SFPQ: variants seen among roughly 807,000 people sequenced by gnomAD.
SFPQ encodes the protein splicing factor proline and glutamine rich, also known as splicing factor, proline- and glutamine-rich.
SFPQ carries 11 observed loss-of-function variants against 72.9 expected under a neutral mutation model. The observed-to-expected ratio is 0.15, with a 90% confidence interval of 0.09 to 0.25. SFPQ has a LOEUF of 0.25. Ranked by LOEUF, SFPQ falls within the 10% of genes least tolerant of loss-of-function variation. SFPQ has a pLI of 1.00. For missense variants in SFPQ, 847 were observed against 993.3 expected (o/e 0.85, Z 1.98); for synonymous variants, 506 against 367.3 (o/e 1.38, Z -4.32).
chr1:35,192,235 ATCT>A lies in SFPQ; in HGVS notation c.812_814del (p.Lys271del), dbSNP rs1266283483. 3.4e-6 allele frequency: 5 copies of A among 1,460,532 alleles called. No homozygotes were observed. Among genetic ancestry groups the A allele is most frequent in the Non-Finnish European group, 3.6e-6 (4 of 1,113,688 alleles). 90.5% of individuals were successfully genotyped at this position (1,460,532 alleles called of 1,614,324 possible). On this transcript the variant is annotated inframe_deletion, in exon 1 of 10. Coordinates refer to ENST00000357214, the MANE Select transcript of SFPQ (RefSeq NM_005066.3). ...ATAGACACTCACCTCCGAGTCCGAG[ATCT>A]TCTCCTCGCTGCGGCCGCCGGGCCC...
chr1:35,187,281 C>A, intron 7 of SFPQ, 30 bp from the exon 8 acceptor site: 1 of 1,600,284 alleles, frequency 6.2e-7, no homozygotes, highest in Non-Finnish European at 8.6e-7. Flanking sequence ...TTCAATATAC[C>A]TGCACTATAC....
In SFPQ at chr1:35,192,472, C is replaced by T; in HGVS notation, c.578G>A (p.Gly193Asp). 7.5e-7 allele frequency: 1 copy of T among 1,338,660 alleles called. No homozygotes were observed. Among genetic ancestry groups the T allele is most frequent in the Non-Finnish European group, 9.5e-7 (1 of 1,052,380 alleles). The allele number at this position is 1,338,660 out of a possible 1,614,324, so 82.9% of individuals were successfully genotyped here. ...GCCCTGCTTAGGCCCTGGACCCGGG[C>T]CCGGGACTGCCGCGGGCGGAGGCGG... ...GPPPPPAAVPGPGPGPKQGPG... is the reference protein window; with the variant it reads ...GPPPPPAAVPDPGPGPKQGPG... The change falls in exon 1 of 10, where the codon GGC becomes GAC. Residue 193 changes from glycine (G) to aspartate (D), a missense_variant. Gly to Asp is a moderately conservative substitution (Grantham distance 94). Around this residue, in one of 6 missense-constraint regions of SFPQ, gnomAD observed 498 missense variants for 405.1 expected, o/e 1.23. Transcript: ENST00000357214.
chr1:35,189,874 C>A (rs1273000552), intron 4 of SFPQ, among the ~76,000 whole-genome samples: 1 of 152,032 alleles, frequency 6.6e-6, no homozygotes, highest in African/African-American at 2.4e-5. Flanking sequence ...TCACTTGAAC[C>A]CGGGAGGCAA....
chr1:35,188,916 G>T, intron 6 of SFPQ, 87 bp downstream of exon 6: 2 of 996,672 alleles, frequency 2.0e-6, no homozygotes, highest in Non-Finnish European at 1.6e-6. Context: ...AGCTGAGACT[G>T]CACCACTGCA....
chr1:35,179,175 T>G, downstream of SFPQ: 1 of 1,060,358 alleles, frequency 9.4e-7, no homozygotes, highest in Non-Finnish European at 1.1e-6. Context: ...CTGTCCAAAA[T>G]CATTAAGTGA....
At chr1:35,190,409 A>G (rs1232278653) in intron 4 of SFPQ, 89 bp downstream of exon 4, 3 of 864,594 alleles carry the variant, frequency 3.5e-6, no homozygotes, top group South Asian at 3.2e-5. Context: ...ATAATTTTGC[A>G]TATTTTAAGC....
rs536204523 is a variant in SFPQ at position 35,192,754 on chromosome 1, GGCT to G, written c.293_295del (p.Gln98del). 4.6e-5 allele frequency: 68 copies of G among 1,493,126 alleles called. No homozygotes were observed. Among genetic ancestry groups the G allele is most frequent in the Admixed American group, 3.5e-4 (16 of 45,388 alleles). The allele number at this position is 1,493,126 out of a possible 1,614,324, so 92.5% of individuals were successfully genotyped here. A position where few individuals can be genotyped will look rare whatever the true frequency, so the allele number is the denominator to read the frequency against. On this transcript the variant is annotated inframe_deletion, in exon 1 of 10. Transcript: ENST00000357214. ...GGAAGAGTCCTGCGGCGGTGGCGGCGGCTGCTGCTGCTGATGCGGCTGTGGATG... is the reference window on the plus strand; with the variant it reads ...GGAAGAGTCCTGCGGCGGTGGCGGCGGCTGCTGCTGATGCGGCTGTGGATG...
At position 35,192,201 on chromosome 1, in the gene SFPQ, G is replaced by A. The variant is rs774390286; in HGVS notation, c.828+21C>T. 5 of 1,385,004 alleles carry A rather than the reference G, an allele frequency of 3.6e-6. No homozygotes were observed. In the South Asian group the frequency reaches 6.3e-5, roughly 18 times the overall value. The allele number at this position is 1,385,004 out of a possible 1,614,324, so 85.8% of individuals were successfully genotyped here. A position where few individuals can be genotyped will look rare whatever the true frequency, so the allele number is the denominator to read the frequency against. On this transcript the variant is annotated intron_variant, in intron 1 of 9. Coordinates refer to ENST00000357214, the MANE Select transcript of SFPQ (RefSeq NM_005066.3). ...GCCGCCATCTTAGGGGAGCCGACGCGTCGCTCCCATAGACACTCACCTCCG... is the reference window on the plus strand; with the variant it reads ...GCCGCCATCTTAGGGGAGCCGACGCATCGCTCCCATAGACACTCACCTCCG...
Position 35,187,064 on chromosome 1 carries a change from A to G in SFPQ, c.1923T>C (p.Gly641=). 2 of 1,613,996 alleles carry G rather than the reference A, an allele frequency of 1.2e-6. No homozygotes were observed. The highest frequency in any genetic ancestry group is 1.7e-6 in the Non-Finnish European group (2 of 1,179,964). Residue 641 remains glycine (G), a synonymous_variant, in exon 9 of 10, where the codon GGT becomes GGC. Coordinates refer to ENST00000357214, the MANE Select transcript of SFPQ (RefSeq NM_005066.3). ...GTGGAACGCCAGGATTAGCTTCATA[A>G]CCTATGCCACCACCACCTCCTAGAG... ...FPPLGGGGGI[G]YEANPGVPPA... is the part of the protein sequence containing the mutation.
At chr1:35,178,663 A>AC (rs769430182), downstream of SFPQ, 30 of 1,055,966 alleles carry the variant, frequency 2.8e-5, no homozygotes, top group Admixed American at 1.1e-4. Flanking sequence ...GAAGACATTC[A>AC]CCTTCACTAT....
At chr1:35,178,416 A>G, downstream of SFPQ, 1 of 1,064,426 alleles carries the variant, frequency 9.4e-7, no homozygotes, top group East Asian at 5.1e-5. Flanking sequence ...GAAAGCACAT[A>G]CCCTGCTCCC....
In SFPQ at chr1:35,183,822, A is replaced by C; in HGVS notation, c.*634T>G. 1 of 1,055,972 alleles carries C rather than the reference A, an allele frequency of 9.5e-7. No homozygotes were observed. The highest frequency in any genetic ancestry group is 1.1e-6 in the Non-Finnish European group (1 of 873,232). 65.4% of individuals were successfully genotyped at this position (1,055,972 alleles called of 1,614,324 possible). The stretch of plus-strand genomic sequence containing the variant: ...ACCAATTGTCTTACACCCATTCCAC[A>C]ATCTTAATACATATTCCTGAAGATT... On this transcript the variant is annotated 3_prime_UTR_variant, in exon 10 of 10. Transcript: ENST00000357214.
In SFPQ at chr1:35,187,997, G is replaced by T; in HGVS notation, c.1791C>A (p.Tyr597Ter). 6.2e-7 allele frequency: 1 copy of T among 1,613,738 alleles called. No homozygotes were observed. The highest frequency in any genetic ancestry group is 2.2e-5 in the East Asian group (1 of 44,878). ...CTGGATCCATGTAGCCCATTCGGCT[G>T]TAACTTTCCTCTCTTTGGCGCCTCA... is the stretch of plus-strand genomic sequence containing the variant. The part of the protein sequence containing the change: ...EQMRRQREES[Y>*]SRMGYMDPRE... The change falls in exon 7 of 10, where the codon TAC becomes TAA. Residue 597 changes from tyrosine (Y) to a stop codon, truncating the protein, a stop_gained. Transcript: ENST00000357214. LOFTEE classifies it high-confidence loss of function.
intron 6 of SFPQ, among the ~76,000 whole-genome samples, chr1:35,188,472 G>C (rs1035628217): frequency 1.3e-5 from 2 of 152,096 alleles, no homozygotes; most frequent in Non-Finnish European, 2.9e-5. Flanking sequence ...CCAGGAGTTT[G>C]ACACCAGCCT....
chr1:35,187,236 G>A lies in SFPQ; in HGVS notation c.1831C>T (p.Arg611Ter), dbSNP rs774720675. The A allele has an allele frequency of 6.2e-7, 1 of 1,614,004 alleles. No homozygotes were observed. Among genetic ancestry groups the A allele is most frequent in the Admixed American group, 1.7e-5 (1 of 59,996 alleles). Residue 611 changes from arginine (R) to a stop codon, truncating the protein, a stop_gained, in exon 8 of 10, where the codon CGA becomes TGA. Coordinates refer to ENST00000357214, the MANE Select transcript of SFPQ (RefSeq NM_005066.3). LOFTEE classifies it high-confidence loss of function. The stretch of plus-strand genomic sequence containing the variant: ...TTCATTGCTCCTCCGCCACCCATTC[G>A]CATGTCTCTTTCCCGCTGCAAGAAA... The part of the protein sequence containing the change: ...GYMDPRERDM[R>*]MGGGGAMNMG...
Position 35,184,172 on chromosome 1 carries a change from A to C in SFPQ, c.*284T>G. Reference sequence around the variant, plus strand: ...GCACAGTAAAAAAAAAAAAATTGGTACACTTTGGAAATTCAGTGGCACAAG... The same window carrying C: ...GCACAGTAAAAAAAAAAAAATTGGTCCACTTTGGAAATTCAGTGGCACAAG... On this transcript the variant is annotated 3_prime_UTR_variant, in exon 10 of 10. Coordinates refer to ENST00000357214, the MANE Select transcript of SFPQ (RefSeq NM_005066.3). The C allele has an allele frequency of 8.6e-7, 1 of 1,164,358 alleles. No homozygotes were observed. The highest frequency in any genetic ancestry group is 1.1e-6 in the Non-Finnish European group (1 of 945,806). The allele number at this position is 1,164,358 out of a possible 1,614,324, so 72.1% of individuals were successfully genotyped here.
rs538722423 is a variant in SFPQ, at chr1:35,183,217, T to G, written c.*1239A>C. 1.0e-6 allele frequency: 1 copy of G among 999,154 alleles called. No homozygotes were observed. The highest frequency in any genetic ancestry group is 1.8e-5 in the African/African-American group (1 of 54,414). The allele number at this position is 999,154 out of a possible 1,614,324, so 61.9% of individuals were successfully genotyped here. A position where few individuals can be genotyped will look rare whatever the true frequency, so the allele number is the denominator to read the frequency against. ...GTATATATAACTAAACCTACTTCAG[T>G]ACTAAACCTTTTTTTTTTTTTGAGA... On this transcript the variant is annotated 3_prime_UTR_variant, in exon 10 of 10. Coordinates refer to ENST00000357214, the MANE Select transcript of SFPQ (RefSeq NM_005066.3).
At chr1:35,178,898 A>T (rs565640982), downstream of SFPQ, 586 of 1,051,808 alleles carry the variant, frequency 5.6e-4, 2 homozygotes, top group African/African-American at 8.5e-3. Flanking sequence ...AAAAAAAAAA[A>T]AAATATTTTT....
chr1:35,179,282 C>T (rs1430988656), downstream of SFPQ: 1 of 1,059,988 alleles, frequency 9.4e-7, no homozygotes, highest in Non-Finnish European at 1.1e-6. Context: ...AAGTCCAAAA[C>T]TAGTCACACG....
Sources: gnomAD v4.1 joint callset for allele counts (sites outside exome capture counted in the v4.1 genomes callset) on GRCh38, gnomAD v4.1.1 for gene constraint, gnomAD v4.1.1 regional missense constraint, MANE v1.5 for transcripts, NCBI Gene and HGNC (gene_info 2026-07-23, HGNC 2026-07-21) for gene names.